The following LAMA1 variants were observed in gnomAD, a reference collection of about 807,000 sequenced individuals.
LAMA1 encodes laminin subunit alpha 1, also known as laminin subunit alpha-1.
In LAMA1, 219 loss-of-function variants were observed where a neutral mutation model predicts 348.7. The observed-to-expected ratio is 0.63, with a 90% CI of 0.56 to 0.70. The LOEUF (loss-of-function observed/expected upper bound fraction) is 0.70. Ranked by LOEUF, LAMA1 falls within the 30% of genes least tolerant of loss-of-function variation. The probability of loss-of-function intolerance (pLI) is 0.00; values close to 1 mark genes in which losing one functional copy is unlikely to be tolerated. For missense variants in LAMA1, 3,744 were observed against 3,888.0 expected, an observed-to-expected ratio of 0.96 and a Z score of 0.99; for synonymous variants, 1,487 against 1,491.0, an observed-to-expected ratio of 1.00 and a Z score of 0.06.
At chr18:7,043,185 G>A (rs1270182077) in intron 8 of LAMA1, 42 bp downstream of exon 8, 8 of 1,599,080 alleles carry the variant, frequency 5.0e-6, no homozygotes, top group South Asian at 1.1e-5. Flanking sequence ...TTCCACCTGG[G>A]GAAGATGATG....
At chr18:7,070,464 C>T (rs2058141236) in intron 3 of LAMA1, among the ~76,000 whole-genome samples, 1 of 152,100 alleles carries the variant, frequency 6.6e-6, no homozygotes, top group Non-Finnish European at 1.5e-5. Context: ...TTCTTGTTGA[C>T]CTTGTCGATG....
chr18:6,978,694 T>C (rs2057694732), intron 42 of LAMA1, among the ~76,000 whole-genome samples: 1 of 152,214 alleles, frequency 6.6e-6, no homozygotes, highest in Non-Finnish European at 1.5e-5. Context: ...ACAAAAGTAA[T>C]GGCCAATCGC....
At chr18:7,026,192 A>C (rs926736398) in intron 16 of LAMA1, 86 bp from the exon 17 acceptor site, 4 of 1,501,932 alleles carry the variant, frequency 2.7e-6, no homozygotes, top group Non-Finnish European at 3.6e-6. Flanking sequence ...TCCAAGCGGA[A>C]AAAAAAAAGA....
In LAMA1 at chr18:6,949,167, C is replaced by T; in HGVS notation, c.8490G>A (p.Leu2830=). 6.2e-7 allele frequency: 1 copy of T among 1,614,164 alleles called. No individual in the cohort carries two copies. Among genetic ancestry groups the T allele is most frequent in the Non-Finnish European group, 8.5e-7 (1 of 1,180,020 alleles). ...CTAGGTAGAACAAACCCTCCACATC[C>T]AGCATGGTTCCATCTCCCACCACAG... The part of the protein sequence containing the change: ...MVTVVGDGTM[L]DVEGLFYLGG... Residue 2830 remains leucine (L), a synonymous_variant, in exon 59 of 63, where the codon CTG becomes CTA. Transcript: ENST00000389658.
intron 1 of LAMA1, among the ~76,000 whole-genome samples, chr18:7,109,781 G>C (rs879929481): frequency 1.1e-4 from 16 of 143,486 alleles, no homozygotes; most frequent in Non-Finnish European, 2.1e-4. Context: ...AGGTGGGCAG[G>C]AGCAGAGGGA....
intron 1 of LAMA1, among the ~76,000 whole-genome samples, chr18:7,083,536 T>C (rs552168032): frequency 1.4e-4 from 22 of 152,218 alleles, no homozygotes; most frequent in African/African-American, 5.1e-4. Flanking sequence ...TGAAAGTATA[T>C]TTAGAAGAAA....
At chr18:7,073,520 T>A (rs1568056098) in intron 3 of LAMA1, among the ~76,000 whole-genome samples, 1 of 152,206 alleles carries the variant, frequency 6.6e-6, no homozygotes, top group Admixed American at 6.5e-5. Context: ...TTTCTTCTTT[T>A]GTGTGTGGCT....
chr18:7,092,282 T>C (rs2058242385), intron 1 of LAMA1, among the ~76,000 whole-genome samples: 1 of 152,294 alleles, frequency 6.6e-6, no homozygotes, highest in Non-Finnish European at 1.5e-5. Context: ...TTGTCTCCAA[T>C]TCTTTGCCTC....
chr18:7,084,028 A>C (rs1209731315), intron 1 of LAMA1, among the ~76,000 whole-genome samples: 2 of 132,846 alleles, frequency 1.5e-5, no homozygotes, highest in Non-Finnish European at 3.1e-5. Context: ...AGCTGAGATC[A>C]CGCCACTGCA....
intron 54 of LAMA1, 120 bp downstream of exon 54, chr18:6,959,221 C>T (rs1309245651): frequency 2.1e-5 from 26 of 1,254,608 alleles, no homozygotes; most frequent in South Asian, 1.9e-4. Flanking sequence ...GTTCTAGAAT[C>T]GTCTGGATGC....
At chr18:7,013,670 G>A (rs1380257282) in intron 23 of LAMA1, 145 bp downstream of exon 23, 1 of 749,226 alleles carries the variant, frequency 1.3e-6, no homozygotes, top group Non-Finnish European at 2.4e-6. Flanking sequence ...AGGAGCATAA[G>A]AGACTTTGAA....
chr18:7,035,124 A>T (rs1376041145), intron 13 of LAMA1, among the ~76,000 whole-genome samples: 1 of 152,216 alleles, frequency 6.6e-6, no homozygotes, highest in Non-Finnish European at 1.5e-5. Flanking sequence ...GGAGGTGAAG[A>T]TAGCTCCAGG....
chr18:7,083,103 A>C (rs1257187297), intron 1 of LAMA1, among the ~76,000 whole-genome samples: 1 of 152,156 alleles, frequency 6.6e-6, no homozygotes, highest in Non-Finnish European at 1.5e-5. Context: ...TTTTTGGAGA[A>C]TAATATCTCA....
intron 1 of LAMA1, among the ~76,000 whole-genome samples, chr18:7,101,115 G>A (rs1256416082): frequency 6.6e-6 from 1 of 152,168 alleles, no homozygotes. Flanking sequence ...AGATTTCTGG[G>A]CACAAATGAA....
intron 33 of LAMA1, among the ~76,000 whole-genome samples, chr18:6,996,288 C>T (rs974873668): frequency 1.3e-5 from 2 of 152,066 alleles, no homozygotes; most frequent in Admixed American, 6.6e-5. Flanking sequence ...CAAGAACCAG[C>T]CCCATCCCAG....
intron 1 of LAMA1, among the ~76,000 whole-genome samples, chr18:7,107,586 A>C (rs1415213210): frequency 6.6e-6 from 1 of 152,166 alleles, no homozygotes; most frequent in East Asian, 1.9e-4. Context: ...GGAGGAGTGG[A>C]GGTCCCAAAG....
In LAMA1 at chr18:7,024,317, A is replaced by C. The variant is rs1393953904; in HGVS notation, c.2489+63T>G. 11 of 1,308,058 alleles carry C rather than the reference A, an allele frequency of 8.4e-6. No individual in the cohort carries two copies. The Admixed American group carries it at 9.3e-5, about 11-fold the overall frequency. 81.0% of individuals were successfully genotyped at this position (1,308,058 alleles called of 1,614,324 possible). A position where few individuals can be genotyped will look rare whatever the true frequency, so the allele number is the denominator to read the frequency against. On this transcript the variant is annotated intron_variant, in intron 18 of 62. Coordinates refer to ENST00000389658, the MANE Select transcript of LAMA1 (RefSeq NM_005559.4). ...AACCACACTTAACTACGCATTTAAA[A>C]ATAAACACATAGAATTTATATTTAA...
chr18:6,958,574 G>T lies in LAMA1; in HGVS notation c.7867C>A (p.Leu2623Met). ...CCCTCTGGAATTCCCCCGACGTACA[G>T]ATTGGACACATTTATCGTCCTGCTT... The part of the protein sequence containing the change: ...VESRTINVSN[L>M]YVGGIPEGEG... The change falls in exon 55 of 63, where the codon CTG becomes ATG. Residue 2623 changes from leucine to methionine, a missense_variant. By Grantham distance (15) the Leu-to-Met change is conservative (BLOSUM62 2). Around this residue, in one of 3 missense-constraint regions of LAMA1, gnomAD observed 1,983 missense variants for 1,934.3 expected, o/e 1.03. Transcript: ENST00000389658. 1.2e-6 allele frequency: 2 copies of T among 1,614,162 alleles called. No individual in the cohort carries two copies. The highest frequency in any genetic ancestry group is 1.7e-6 in the Non-Finnish European group (2 of 1,179,984).
intron 42 of LAMA1, among the ~76,000 whole-genome samples, 198 bp from the exon 43 acceptor site, chr18:6,978,576 GCAATATTAAAGCT>G (rs1189675135): frequency 1.3e-5 from 2 of 151,906 alleles, no homozygotes; most frequent in African/African-American, 4.8e-5. Context: ...GTTTCTAATG[GCAATATTAAAGCT>G]GCATATCATA....
Sources: allele counts gnomAD v4.1 joint callset (sites outside exome capture counted in the v4.1 genomes callset), GRCh38; gene constraint gnomAD v4.1.1; regional missense constraint gnomAD v4.1.1; transcripts MANE v1.5; gene names NCBI Gene and HGNC (gene_info 2026-07-23, HGNC 2026-07-21).